Variants in KALRN observed in about 807,000 individuals in gnomAD.
The protein encoded by KALRN is kalirin RhoGEF kinase, also known as kalirin.
Under a neutral mutation model 353.7 loss-of-function variants are expected in KALRN, and 70 were observed. The observed-to-expected ratio is 0.20, with a 90% confidence interval of 0.16 to 0.24. The LOEUF is 0.24. KALRN is among the 10% of genes least tolerant of loss of function. The probability of loss-of-function intolerance (pLI) is 1.00; values close to 1 mark genes in which losing one functional copy is unlikely to be tolerated. For missense variants in KALRN, 2,791 were observed against 3,756.7 expected (o/e 0.74, Z 6.72); for synonymous variants, 1,391 against 1,434.8 (o/e 0.97, Z 0.69).
chr3:124,543,083 C>T (rs895571921), intron 33 of KALRN, among the ~76,000 whole-genome samples: 4 of 152,250 alleles, frequency 2.6e-5, no homozygotes, highest in South Asian at 2.1e-4. Flanking sequence ...AATGTCCTCA[C>T]GACACGGTGG....
chr3:124,108,745 A>G (rs1266124530), intron 1 of KALRN, among the ~76,000 whole-genome samples: 2 of 152,222 alleles, frequency 1.3e-5, no homozygotes, highest in African/African-American at 4.8e-5. Flanking sequence ...ATGAGCAAAT[A>G]TTAATCTTAT....
rs529986600 is a variant in KALRN at position 124,445,979 on chromosome 3, C to T, written c.3314-182C>T. Among the ~76,000 whole-genome samples the T allele has an allele frequency of 4.6e-5, 7 of 152,334 alleles. No individual in the cohort carries two copies. In the South Asian group the frequency reaches 1.0e-3, roughly 23 times the overall value. On this transcript the variant is annotated intron_variant, in intron 19 of 59. Coordinates refer to ENST00000682506, the MANE Select transcript of KALRN (RefSeq NM_001388419.1). Reference sequence around the variant, plus strand: ...TCCCCCTAGACTCCTCGACCTTGCTCGTTTCTAGGAAATCCTTTCTGTATC... The same window carrying T: ...TCCCCCTAGACTCCTCGACCTTGCTTGTTTCTAGGAAATCCTTTCTGTATC...
chr3:124,521,392 T>C (rs2067149502), intron 33 of KALRN, among the ~76,000 whole-genome samples: 1 of 152,192 alleles, frequency 6.6e-6, no homozygotes, highest in Non-Finnish European at 1.5e-5. Context: ...TGAGATCAAC[T>C]GATGAAACTG....
intron 34 of KALRN, chr3:124,585,019 G>A: frequency 7.7e-7 from 1 of 1,295,770 alleles, no homozygotes; most frequent in African/African-American, 1.5e-5. Context: ...GTAGGCGGAT[G>A]GGGCTGGGGA....
At chr3:124,536,179 T>A (rs1368033538) in intron 33 of KALRN, among the ~76,000 whole-genome samples, 1 of 150,620 alleles carries the variant, frequency 6.6e-6, no homozygotes, top group Non-Finnish European at 1.5e-5. Flanking sequence ...CACTTGCAAG[T>A]CTTTGCCATC....
chr3:124,617,983 C>T (rs1347375508), intron 34 of KALRN, among the ~76,000 whole-genome samples: 1 of 150,466 alleles, frequency 6.6e-6, no homozygotes, highest in Non-Finnish European at 1.5e-5. Flanking sequence ...GAGAAAAAGA[C>T]TGGGGGCAGA....
Position 124,587,698 on chromosome 3 carries a change from C to CTTTTTTTT in KALRN, c.5182+24627_5182+24634dup, listed in dbSNP as rs529810541. 4.9e-4 allele frequency among the ~76,000 whole-genome samples: 37 copies of CTTTTTTTT among 75,860 alleles called. 1 individual carries two copies. Among genetic ancestry groups the CTTTTTTTT allele is most frequent in the South Asian group, 1.4e-3 (3 of 2,184 alleles). The allele number at this position is 75,860 out of a possible 152,430, so 49.8% of individuals were successfully genotyped here. ...TTTTTCCCTCCACCCCCACCCTCCA[C>CTTTTTTTT]TTTTTTTTTTTTTTTTTTTTTTTTT... is the stretch of plus-strand genomic sequence containing the variant. On this transcript the variant is annotated intron_variant, in intron 34 of 59. Transcript: ENST00000682506.
In KALRN at chr3:124,669,900, GA is replaced by G. The variant is rs2086171482; in HGVS notation, c.6704-1752del. 2.0e-5 allele frequency among the ~76,000 whole-genome samples: 3 copies of G among 148,772 alleles called. No homozygotes were observed. In the South Asian group the frequency reaches 6.4e-4, roughly 32 times the overall value. On this transcript the variant is annotated intron_variant, in intron 47 of 59. Coordinates refer to ENST00000682506, the MANE Select transcript of KALRN (RefSeq NM_001388419.1). Reference sequence around the variant, plus strand: ...TACTATATTGTTTATGGAATGACAAGAAAAAAAACTCTGTACATGTTCAGTA... The same window carrying G: ...TACTATATTGTTTATGGAATGACAAGAAAAAAACTCTGTACATGTTCAGTA...
In KALRN at chr3:124,511,944, C is replaced by T. The variant is rs569863920; in HGVS notation, c.4935+15531C>T. On this transcript the variant is annotated intron_variant, in intron 33 of 59. Coordinates refer to ENST00000682506, the MANE Select transcript of KALRN (RefSeq NM_001388419.1). ...TGTTTCTCATGGGTTAGTTTTTAATCTCAACCACTGAATCACAAGATCCAT... is the reference window on the plus strand; with the variant it reads ...TGTTTCTCATGGGTTAGTTTTTAATTTCAACCACTGAATCACAAGATCCAT... Among the ~76,000 whole-genome samples the T allele has an allele frequency of 2.6e-5, 4 of 152,320 alleles. No homozygotes were observed. In the South Asian group the frequency reaches 6.2e-4, roughly 24 times the overall value.
intron 1 of KALRN, among the ~76,000 whole-genome samples, chr3:124,206,293 C>T (rs998852288): frequency 9.9e-5 from 15 of 152,196 alleles, no homozygotes; most frequent in Admixed American, 5.9e-4. Flanking sequence ...CCCAGCCATC[C>T]GAGGATAGAT....
chr3:124,659,390 G>A lies in KALRN; in HGVS notation c.6149G>A (p.Arg2050Lys), dbSNP rs141343989. 5.6e-6 allele frequency: 9 copies of A among 1,613,606 alleles called. No individual in the cohort carries two copies. The East Asian group carries it at 2.0e-4, about 36-fold the overall frequency. The change falls in exon 43 of 60, where the codon AGG (arginine) becomes AAG (lysine). Residue 2050 changes from arginine (R) to lysine (K), a missense_variant. Physicochemically the swap from Arg to Lys is conservative, Grantham distance 26. Around this residue, in one of 11 missense-constraint regions of KALRN, gnomAD observed 1,065 missense variants for 1,156.4 expected, o/e 0.92. Transcript: ENST00000682506. ...FEEVKQEINQRLTLSDFLIKP... is the reference protein window; with the variant it reads ...FEEVKQEINQKLTLSDFLIKP... ...GAGGTAAAACAGGAGATAAATCAGA[G>A]GCTGACACTGAGTGACTTCCTCATC...
chr3:124,580,872 C>A, intron 34 of KALRN, among the ~76,000 whole-genome samples: 1 of 151,690 alleles, frequency 6.6e-6, no homozygotes. Flanking sequence ...CTTTGGGAGG[C>A]CGAGGGGGGC....
At chr3:124,036,820 T>A (rs1401591886) in intron 1 of KALRN, among the ~76,000 whole-genome samples, 1 of 152,252 alleles carries the variant, frequency 6.6e-6, no homozygotes, top group Non-Finnish European at 1.5e-5. Flanking sequence ...TTCAAATTAT[T>A]CTGTCATTTT....
intron 57 of KALRN, among the ~76,000 whole-genome samples, chr3:124,711,018 A>G (rs2150771546): frequency 6.6e-6 from 1 of 152,318 alleles, no homozygotes; most frequent in East Asian, 1.9e-4. Flanking sequence ...CAAACTCACA[A>G]AGAGAGTGCT....
intron 25 of KALRN, among the ~76,000 whole-genome samples, chr3:124,471,260 TTATTA>T (rs2060869433): frequency 5.4e-5 from 3 of 55,438 alleles, no homozygotes; most frequent in African/African-American, 2.1e-4. Flanking sequence ...CAAAGTTTTA[TTATTA>T]TTATTATTAT....
chr3:124,358,134 G>A (rs2083622851), intron 10 of KALRN, among the ~76,000 whole-genome samples: 2 of 152,144 alleles, frequency 1.3e-5, no homozygotes, highest in African/African-American at 4.8e-5. Context: ...AGCATCTTTT[G>A]AGTCAAATTT....
chr3:124,172,250 C>T (rs1179878144), intron 1 of KALRN, among the ~76,000 whole-genome samples: 6 of 152,310 alleles, frequency 3.9e-5, no homozygotes, highest in Admixed American at 1.3e-4. Context: ...CATTCCCCTT[C>T]GCCTTACCTT....
At chr3:124,644,276 G>T (rs558602345) in intron 37 of KALRN, among the ~76,000 whole-genome samples, 1 of 152,140 alleles carries the variant, frequency 6.6e-6, no homozygotes, top group African/African-American at 2.4e-5. Context: ...ATTTCACTCA[G>T]CATCATGTCC....
intron 27 of KALRN, among the ~76,000 whole-genome samples, chr3:124,478,625 C>T (rs1290148280): frequency 2.0e-5 from 3 of 152,210 alleles, no homozygotes; most frequent in East Asian, 3.8e-4. Context: ...GAAAAGTGCT[C>T]CTCTCACCTG....
Sources: allele counts gnomAD v4.1 joint callset (sites outside exome capture counted in the v4.1 genomes callset), GRCh38; gene constraint gnomAD v4.1.1; regional missense constraint gnomAD v4.1.1; transcripts MANE v1.5; gene names NCBI Gene and HGNC (gene_info 2026-07-23, HGNC 2026-07-21).